The following PLCH1 variants were observed in gnomAD, a reference collection of about 807,000 sequenced individuals.
The protein encoded by PLCH1 is phospholipase C eta 1.
A neutral mutation model predicts 126.7 loss-of-function variants in PLCH1; 60 were observed. The observed-to-expected ratio is 0.47, with a 90% CI of 0.38 to 0.59. PLCH1 has a LOEUF of 0.59. Ranked by LOEUF, PLCH1 falls within the 20% of genes least tolerant of loss-of-function variation. The pLI is 0.00. For missense variants in PLCH1, 1,723 were observed against 2,040.0 expected, an observed-to-expected ratio of 0.84 and a Z score of 2.99; for synonymous variants, 719 against 734.9, an observed-to-expected ratio of 0.98 and a Z score of 0.35.
At chr3:155,710,728 G>A (rs1490533545) in intron 1 of PLCH1, among the ~76,000 whole-genome samples, 1 of 151,890 alleles carries the variant, frequency 6.6e-6, no homozygotes, top group African/African-American at 2.4e-5. Flanking sequence ...AGCTACTCAG[G>A]AGGCTGAGGA....
chr3:155,613,469 T>A (rs2090577), intron 2 of PLCH1, among the ~76,000 whole-genome samples: 1 of 152,022 alleles, frequency 6.6e-6, no homozygotes, highest in African/African-American at 2.4e-5. Flanking sequence ...CAAGTGGGTT[T>A]CATACCAGGA....
In PLCH1 at chr3:155,480,692, C is replaced by T; in HGVS notation, c.*276G>A. 1 of 340,280 alleles carries T rather than the reference C, an allele frequency of 2.9e-6. No individual in the cohort carries two copies. The highest frequency in any genetic ancestry group is 5.1e-5 in the East Asian group (1 of 19,592). The allele number at this position is 340,280 out of a possible 1,614,324, so 21.1% of individuals were successfully genotyped here. ...AAACACACACACATTATAACCCGAG[C>T]TGCTGAGGAGTTTCACATCTAGGGC... On this transcript the variant is annotated 3_prime_UTR_variant, in exon 23 of 23. Transcript: ENST00000460012.
intron 6 of PLCH1, among the ~76,000 whole-genome samples, chr3:155,569,506 A>G (rs1180764270): frequency 1.3e-5 from 2 of 152,112 alleles, no homozygotes; most frequent in Non-Finnish European, 2.9e-5. Flanking sequence ...AGTAAATTTT[A>G]TAATTCTTAT....
intron 21 of PLCH1, among the ~76,000 whole-genome samples, chr3:155,468,686 A>T (rs1423808756): frequency 6.6e-6 from 1 of 152,228 alleles, no homozygotes; most frequent in Non-Finnish European, 1.5e-5. Flanking sequence ...ATTCAGCAAG[A>T]AGATATAACA....
chr3:155,640,627 A>T (rs1368955934), intron 2 of PLCH1, among the ~76,000 whole-genome samples: 3 of 152,188 alleles, frequency 2.0e-5, no homozygotes, highest in Non-Finnish European at 4.4e-5. Context: ...TAATTTAAAT[A>T]CATAGGCTAT....
intron 2 of PLCH1, among the ~76,000 whole-genome samples, chr3:155,697,561 G>T (rs577572247): frequency 1.1e-4 from 16 of 152,194 alleles, no homozygotes; most frequent in Non-Finnish European, 2.2e-4. Context: ...TACAGTGTGA[G>T]AAGAGACTGT....
intron 9 of PLCH1, among the ~76,000 whole-genome samples, 165 bp downstream of exon 9, chr3:155,553,911 C>T (rs1447673820): frequency 6.6e-6 from 1 of 152,162 alleles, no homozygotes; most frequent in Non-Finnish European, 1.5e-5. Context: ...GGGAAGGCCA[C>T]ATTATTTGTT....
rs943401952 is a variant in PLCH1 at position 155,494,034 on chromosome 3, C to G, written c.2182+107G>C. 3.7e-6 allele frequency: 3 copies of G among 814,002 alleles called. No homozygotes were observed. In the African/African-American group the frequency reaches 5.1e-5, roughly 14 times the overall value. 50.4% of individuals were successfully genotyped at this position (814,002 alleles called of 1,614,324 possible). On this transcript the variant is annotated intron_variant, in intron 17 of 22. Transcript: ENST00000460012. ...TTTTTGAAAAAAAAAAGTTGAAAAA[C>G]TCTGGGGTATCACACTTTCTAAACA...
intron 2 of PLCH1, among the ~76,000 whole-genome samples, chr3:155,637,255 G>A (rs1577209350): frequency 6.6e-6 from 1 of 152,290 alleles, no homozygotes; most frequent in East Asian, 1.9e-4. Context: ...ATAAATTAAT[G>A]AGCCCTCAGT....
intron 8 of PLCH1, among the ~76,000 whole-genome samples, chr3:155,561,170 T>C (rs1727541417): frequency 6.6e-6 from 1 of 151,932 alleles, no homozygotes; most frequent in Non-Finnish European, 1.5e-5. Flanking sequence ...TTAGGGTACA[T>C]GTGCACATTG....
intron 21 of PLCH1, among the ~76,000 whole-genome samples, chr3:155,458,395 AAGGAAGG>A: frequency 3.8e-5 from 1 of 26,386 alleles, no homozygotes; most frequent in Non-Finnish European, 6.4e-5. Flanking sequence ...AGAAGGAAGG[AAGGAAGG>A]AAGGAAGGAA....
chr3:155,487,931 G>C (rs935485066), intron 21 of PLCH1, 97 bp downstream of exon 21: 2 of 819,762 alleles, frequency 2.4e-6, no homozygotes, highest in Non-Finnish European at 4.0e-6. Context: ...TTCAAGAACA[G>C]TTTGTCAAAA....
rs1330770187 is a variant in PLCH1 at position 155,580,051 on chromosome 3, AC to A, written c.771+3420del. 1.7e-3 allele frequency among the ~76,000 whole-genome samples: 258 copies of A among 152,314 alleles called. 2 individuals are homozygous for A. Among genetic ancestry groups the A allele is most frequent in the Non-Finnish European group, 3.5e-4 (24 of 68,012 alleles). ...ACAATTCAAAAACAAACATGGAAAA[AC>A]ATTCATCCCTGCTATCAAAAAATGT... On this transcript the variant is annotated intron_variant, in intron 6 of 22. Coordinates refer to ENST00000460012, the MANE Select transcript of PLCH1 (RefSeq NM_014996.4).
In PLCH1 at chr3:155,451,161, A is replaced by C. The variant is rs974835067; in HGVS notation, c.2938+34195T>G. On this transcript the variant is annotated intron_variant, in intron 21 of 21. Coordinates refer to the PLCH1 transcript ENST00000494598. ...AATCATTCAAGAAATAAATAAGAGA[A>C]TTCAAATTAATAAATATAGAAGAAA... Among the ~76,000 whole-genome samples the C allele has an allele frequency of 2.0e-5, 3 of 152,160 alleles. No homozygotes were observed. The East Asian group carries it at 5.8e-4, about 29-fold the overall frequency.
intron 22 of PLCH1, among the ~76,000 whole-genome samples, chr3:155,484,576 CAT>C (rs1389877974): frequency 6.6e-6 from 1 of 152,204 alleles, no homozygotes; most frequent in Non-Finnish European, 1.5e-5. Flanking sequence ...TTAATTAAAA[CAT>C]ATTTGTTGCA....
chr3:155,606,427 T>C (rs1027231989), intron 2 of PLCH1, among the ~76,000 whole-genome samples: 1 of 152,216 alleles, frequency 6.6e-6, no homozygotes, highest in African/African-American at 2.4e-5. Flanking sequence ...CTTTTTTACT[T>C]TGGGGAGCAT....
intron 2 of PLCH1, among the ~76,000 whole-genome samples, chr3:155,690,147 T>A (rs758328360): frequency 2.3e-4 from 35 of 151,846 alleles, no homozygotes; most frequent in African/African-American, 8.2e-4. Context: ...TAGCATGACA[T>A]ATTTAAAGTG....
At chr3:155,559,073 A>G (rs573739493) in intron 8 of PLCH1, among the ~76,000 whole-genome samples, 23 of 152,192 alleles carry the variant, frequency 1.5e-4, no homozygotes, top group Non-Finnish European at 2.9e-4. Context: ...ATGACATGAC[A>G]GCCTCATTCA....
intron 21 of PLCH1, among the ~76,000 whole-genome samples, chr3:155,469,188 A>C (rs1341518049): frequency 2.0e-5 from 3 of 151,942 alleles, no homozygotes; most frequent in African/African-American, 7.3e-5. Flanking sequence ...CTAGGGAGTT[A>C]CAGACAGTGG....
Sources: allele counts gnomAD v4.1 joint callset (sites outside exome capture counted in the v4.1 genomes callset), GRCh38; gene constraint gnomAD v4.1.1; transcripts MANE v1.5; gene names NCBI Gene and HGNC (gene_info 2026-07-23, HGNC 2026-07-21).